The following CHLSN variants were observed in gnomAD, a reference collection of about 807,000 sequenced individuals.
CHLSN encodes the protein protein cholesin.
At chr7:1,091,090 T>C in the CHLSN span, among the ~76,000 whole-genome samples, 825 of 152,280 alleles carry the variant, frequency 5.4e-3, 7 homozygotes, top group African/African-American at 0.019. Flanking sequence ...TGCCCATACC[T>C]TCATTGCTTC....
At chr7:1,025,856 G>C in the CHLSN span, 1 of 152,308 alleles carries the variant, frequency 6.6e-6, no homozygotes, top group Non-Finnish European at 1.5e-5. Flanking sequence ...TCCTTTCTCA[G>C]CCTCTGTGGC....
chr7:1,135,079 C>G, the CHLSN span, among the ~76,000 whole-genome samples: 1 of 152,138 alleles, frequency 6.6e-6, no homozygotes, highest in Non-Finnish European at 1.5e-5. Context: ...TCTCTCTTGA[C>G]AGGCATTTTT....
the CHLSN span, among the ~76,000 whole-genome samples, chr7:991,750 G>A: frequency 1.3e-5 from 2 of 152,216 alleles, no homozygotes. Flanking sequence ...CCATGTTGAA[G>A]TGCACAGTTC....
At chr7:1,001,646 T>G in the CHLSN span, among the ~76,000 whole-genome samples, 5 of 112,360 alleles carry the variant, frequency 4.4e-5, no homozygotes, top group African/African-American at 1.8e-4. Flanking sequence ...GGGAGTCCTG[T>G]GGGTGAGTGG....
the CHLSN span, among the ~76,000 whole-genome samples, chr7:1,126,955 G>T: frequency 1.3e-5 from 2 of 152,000 alleles, no homozygotes; most frequent in Non-Finnish European, 2.9e-5. Context: ...CCCAACCGAA[G>T]GCCTGCTGCA....
the CHLSN span, among the ~76,000 whole-genome samples, chr7:1,000,283 GC>G: frequency 5.4e-5 from 8 of 147,998 alleles, no homozygotes; most frequent in African/African-American, 2.0e-4. Context: ...CAGGAGACGT[GC>G]CTGCCCCGCC....
chr7:1,022,896 G>A, the CHLSN span: 6 of 409,102 alleles, frequency 1.5e-5, no homozygotes, highest in Non-Finnish European at 2.5e-5. Flanking sequence ...AAAGCGCGGC[G>A]ACGTCTCCGC....
the CHLSN span, chr7:1,044,486 A>T: frequency 6.6e-6 from 1 of 152,124 alleles, no homozygotes; most frequent in Non-Finnish European, 1.5e-5. Flanking sequence ...CCAGGGCGGG[A>T]CCAAGGCTGG....
the CHLSN span, chr7:983,164 G>T: frequency 7.0e-7 from 1 of 1,428,514 alleles, no homozygotes; most frequent in Non-Finnish European, 9.2e-7. Context: ...AAGGGTGCGG[G>T]GGGGACGGGG....
At chr7:1,113,459 T>C in the CHLSN span, among the ~76,000 whole-genome samples, 1 of 152,080 alleles carries the variant, frequency 6.6e-6, no homozygotes, top group Admixed American at 6.5e-5. Flanking sequence ...GCGACCCACA[T>C]GGCAGGGGCA....
At chr7:1,021,970 C>A in the CHLSN span, among the ~76,000 whole-genome samples, 1 of 152,192 alleles carries the variant, frequency 6.6e-6, no homozygotes, top group Non-Finnish European at 1.5e-5. Flanking sequence ...GCGGGGGTGG[C>A]AGGAAAGCCC....
the CHLSN span, among the ~76,000 whole-genome samples, chr7:1,097,786 C>T: frequency 1.3e-5 from 2 of 152,164 alleles, no homozygotes; most frequent in Non-Finnish European, 2.9e-5. The surrounding 1 kb of genome is among the most constrained non-coding windows in gnomAD (Gnocchi z 4.3). Flanking sequence ...GGTCCAGATG[C>T]TACACCCTGA....
At chr7:1,038,448 A>C in the CHLSN span, among the ~76,000 whole-genome samples, 10,762 of 30,090 alleles carry the variant, frequency 0.36, 2,010 homozygotes, top group African/African-American at 0.63. Context: ...TCAGCCCCCC[A>C]ACCCGGCCAG....
chr7:1,090,901 G>A, the CHLSN span, among the ~76,000 whole-genome samples: 1 of 152,228 alleles, frequency 6.6e-6, no homozygotes, highest in Non-Finnish European at 1.5e-5. Flanking sequence ...GAACTAGCAT[G>A]AGGAAACCGC....
the CHLSN span, among the ~76,000 whole-genome samples, chr7:1,136,423 T>C: frequency 4.9e-5 from 6 of 123,200 alleles, no homozygotes; most frequent in African/African-American, 6.8e-5. Flanking sequence ...TATATATAAA[T>C]ATATATAAAC....
the CHLSN span, among the ~76,000 whole-genome samples, chr7:1,065,044 C>T: frequency 5.3e-5 from 8 of 152,278 alleles, no homozygotes; most frequent in East Asian, 5.8e-4. Flanking sequence ...CCTTGGGGCA[C>T]GAAGATTCTT....
chr7:1,026,621 C>T, the CHLSN span: 1 of 152,228 alleles, frequency 6.6e-6, no homozygotes. Context: ...AGTTGCTCCC[C>T]ATTCTTCAAT....
the CHLSN span, among the ~76,000 whole-genome samples, chr7:1,087,459 A>G: frequency 8.1e-3 from 1,237 of 152,340 alleles, 14 homozygotes; most frequent in African/African-American, 0.029. Context: ...CCTTATACAC[A>G]CTGCCTGAAG....
the CHLSN span, among the ~76,000 whole-genome samples, chr7:991,312 C>A: frequency 6.6e-6 from 1 of 152,156 alleles, no homozygotes; most frequent in Non-Finnish European, 1.5e-5. Context: ...TCTCACCCAG[C>A]GAGATGACAG....
Sources: gnomAD v4.1 joint callset for allele counts (sites outside exome capture counted in the v4.1 genomes callset) on GRCh38, gnomAD v4.1.1 for gene constraint, Gnocchi (gnomAD v3.1) non-coding constraint, MANE v1.5 for transcripts, NCBI Gene and HGNC (gene_info 2026-07-23, HGNC 2026-07-21) for gene names.